NTM: variants seen among roughly 807,000 people sequenced by gnomAD.
NTM encodes the protein neurotrimin.
NTM carries 13 observed loss-of-function variants against 42.1 expected under a neutral mutation model. That is an observed-to-expected ratio of 0.31 (90% CI 0.20 to 0.49). NTM has a LOEUF of 0.49. Among genes scored for constraint, NTM ranks in the 20% least tolerant of loss-of-function variants. The pLI, the probability that NTM is intolerant of heterozygous loss-of-function variation, is 0.99. For missense variants in NTM, 373 were observed against 452.8 expected, an observed-to-expected ratio of 0.82 and a Z score of 1.60; for synonymous variants, 187 against 179.2, an observed-to-expected ratio of 1.04 and a Z score of -0.35.
At chr11:131,806,939 A>T (rs1565576028) in intron 1 of NTM, among the ~76,000 whole-genome samples, 1 of 152,210 alleles carries the variant, frequency 6.6e-6, no homozygotes, top group Non-Finnish European at 1.5e-5. Context: ...AAATATTGCC[A>T]TGGGGATATA....
chr11:132,204,729 G>C (rs559491245), intron 3 of NTM, among the ~76,000 whole-genome samples: 68 of 152,274 alleles, frequency 4.5e-4, no homozygotes, highest in African/African-American at 1.6e-3. Context: ...TGAGACCAAA[G>C]AAGGAGTTTG....
Position 131,715,900 on chromosome 11 carries a change from G to A in NTM, c.83-195664G>A, listed in dbSNP as rs74714384. Among the ~76,000 whole-genome samples the A allele has an allele frequency of 8.9e-3, 1,360 of 152,238 alleles. 24 individuals carry two copies. Among genetic ancestry groups the A allele is most frequent in the African/African-American group, 0.027 (1,115 of 41,526 alleles). Reference sequence around the variant, plus strand: ...TCATGTGTTTATGCATTCAATGATTGGTGTACATTTAGGTTGTTTCCAGTT... The same window carrying A: ...TCATGTGTTTATGCATTCAATGATTAGTGTACATTTAGGTTGTTTCCAGTT... On this transcript the variant is annotated intron_variant, in intron 1 of 8. Coordinates refer to ENST00000683400, the MANE Select transcript of NTM (RefSeq NM_001352005.2).
At chr11:131,924,715 C>G (rs1418488757) in intron 2 of NTM, among the ~76,000 whole-genome samples, 1 of 152,190 alleles carries the variant, frequency 6.6e-6, no homozygotes, top group Non-Finnish European at 1.5e-5. Context: ...CTCACACCCC[C>G]ACCCACCAGC....
At chr11:131,880,046 G>C (rs998741619) in intron 1 of NTM, among the ~76,000 whole-genome samples, 4 of 152,158 alleles carry the variant, frequency 2.6e-5, no homozygotes, top group Admixed American at 2.6e-4. Flanking sequence ...TGGAGACATC[G>C]AAACATCAAC....
At chr11:132,004,731 A>T (rs1394488751) in intron 2 of NTM, among the ~76,000 whole-genome samples, 1 of 152,036 alleles carries the variant, frequency 6.6e-6, no homozygotes, top group Admixed American at 6.6e-5. Flanking sequence ...TGGTAGGATC[A>T]CAATCATTCA....
At chr11:132,119,516 G>A (rs958525612) in intron 2 of NTM, among the ~76,000 whole-genome samples, 3 of 152,228 alleles carry the variant, frequency 2.0e-5, no homozygotes, top group African/African-American at 7.2e-5. Context: ...GATATGGTCT[G>A]TGAAGTCTGA....
intron 1 of NTM, among the ~76,000 whole-genome samples, chr11:131,884,422 A>G (rs1490144816): frequency 6.6e-6 from 1 of 152,186 alleles, no homozygotes; most frequent in Non-Finnish European, 1.5e-5. Flanking sequence ...AAAGAAAAAA[A>G]AAGAAAGAAA....
intron 1 of NTM, among the ~76,000 whole-genome samples, chr11:131,678,100 T>C (rs538437190): frequency 6.6e-6 from 1 of 152,250 alleles, no homozygotes. Flanking sequence ...TTCATGAGCA[T>C]TGCAGCTTCC....
intron 2 of NTM, among the ~76,000 whole-genome samples, chr11:131,959,323 A>G (rs529558460): frequency 1.3e-3 from 192 of 152,280 alleles, no homozygotes; most frequent in African/African-American, 4.5e-3. Context: ...TCGCTGTATT[A>G]ACATCCTTGA....
intron 1 of NTM, among the ~76,000 whole-genome samples, chr11:131,639,115 C>T (rs1267574117): frequency 6.6e-6 from 1 of 152,172 alleles, no homozygotes; most frequent in Non-Finnish European, 1.5e-5. Flanking sequence ...AACCTGGCCA[C>T]GTGAGCTCAC....
At chr11:131,783,701 G>T (rs1320973923) in intron 1 of NTM, among the ~76,000 whole-genome samples, 1 of 152,040 alleles carries the variant, frequency 6.6e-6, no homozygotes, top group Non-Finnish European at 1.5e-5. Context: ...AAAAAAATAC[G>T]AGAAAATATG....
chr11:132,286,939 G>C (rs2094262444), intron 4 of NTM, among the ~76,000 whole-genome samples: 1 of 152,162 alleles, frequency 6.6e-6, no homozygotes, highest in South Asian at 2.1e-4. Flanking sequence ...TTTCTTCTTT[G>C]GTGCCTATGT....
chr11:132,244,945 C>G (rs1379486864), intron 4 of NTM, among the ~76,000 whole-genome samples: 4 of 152,228 alleles, frequency 2.6e-5, no homozygotes, highest in Non-Finnish European at 5.9e-5. Context: ...ATATACTTCA[C>G]AGGTTGTACG....
At chr11:132,173,015 T>A (rs73038233) in intron 3 of NTM, among the ~76,000 whole-genome samples, 23 of 152,330 alleles carry the variant, frequency 1.5e-4, no homozygotes, top group Non-Finnish European at 2.9e-4. Flanking sequence ...TAGCTCTCAA[T>A]GTCTAAACAT....
At chr11:131,504,144 C>G (rs1402525807) in intron 1 of NTM, among the ~76,000 whole-genome samples, 1 of 152,132 alleles carries the variant, frequency 6.6e-6, no homozygotes, top group Non-Finnish European at 1.5e-5. Flanking sequence ...TGTGGCTTGT[C>G]CCTCCACATC....
intron 1 of NTM, among the ~76,000 whole-genome samples, chr11:131,428,210 G>T (rs1948338740): frequency 6.6e-6 from 1 of 152,086 alleles, no homozygotes; most frequent in African/African-American, 2.4e-5. Context: ...TCAACCACCT[G>T]GCGGCCCAAG....
intron 1 of NTM, among the ~76,000 whole-genome samples, chr11:131,729,415 A>T (rs768073614): frequency 6.6e-6 from 1 of 152,358 alleles, no homozygotes; most frequent in African/African-American, 2.4e-5. Context: ...TTCACAGTAT[A>T]TAAGTTTGTT....
At chr11:131,821,833 T>C (rs1565594382) in intron 1 of NTM, among the ~76,000 whole-genome samples, 1 of 152,210 alleles carries the variant, frequency 6.6e-6, no homozygotes, top group Non-Finnish European at 1.5e-5. Flanking sequence ...CATGATAGTT[T>C]AGAAAGGAAG....
At chr11:131,675,724 T>C (rs539675520) in intron 1 of NTM, among the ~76,000 whole-genome samples, 1 of 152,278 alleles carries the variant, frequency 6.6e-6, no homozygotes, top group African/African-American at 2.4e-5. Context: ...AGTACAAAAT[T>C]CCACAGAGGG....
Sources: gnomAD v4.1 joint callset for allele counts (sites outside exome capture counted in the v4.1 genomes callset) on GRCh38, gnomAD v4.1.1 for gene constraint, MANE v1.5 for transcripts, NCBI Gene and HGNC (gene_info 2026-07-23, HGNC 2026-07-21) for gene names.